Variants in PTPRT observed in about 807,000 individuals in gnomAD.
PTPRT encodes the protein receptor-type tyrosine-protein phosphatase T.
PTPRT carries 56 observed loss-of-function variants against 176.8 expected under a neutral mutation model. That is an observed-to-expected ratio of 0.32 (90% CI 0.26 to 0.40). The LOEUF (loss-of-function observed/expected upper bound fraction) is 0.40. Ranked by LOEUF, PTPRT falls within the 10% of genes least tolerant of loss-of-function variation. PTPRT has a pLI of 1.00. For synonymous variants in PTPRT, 783 were observed against 739.0 expected (o/e 1.06, Z -0.96); for missense variants, 1,540 against 1,908.2 (o/e 0.81, Z 3.60).
intron 7 of PTPRT, among the ~76,000 whole-genome samples, chr20:42,620,952 T>A (rs904821819): frequency 5.9e-5 from 9 of 152,170 alleles, no homozygotes; most frequent in Non-Finnish European, 1.2e-4. Flanking sequence ...TATTCGGCCA[T>A]CTTGGCTCCT....
intron 16 of PTPRT, among the ~76,000 whole-genome samples, chr20:42,193,939 T>A (rs1301233756): frequency 6.6e-6 from 1 of 152,212 alleles, no homozygotes; most frequent in Non-Finnish European, 1.5e-5. Flanking sequence ...ATGGATAGAC[T>A]CTAACTGAAA....
chr20:42,858,217 A>C (rs1384726995), intron 2 of PTPRT, among the ~76,000 whole-genome samples: 3 of 152,228 alleles, frequency 2.0e-5, no homozygotes, highest in African/African-American at 7.2e-5. Context: ...ACTTGTTAAA[A>C]TGGTAAGGAA....
intron 7 of PTPRT, among the ~76,000 whole-genome samples, chr20:42,539,583 T>C (rs2072541075): frequency 2.0e-5 from 3 of 150,232 alleles, no homozygotes; most frequent in Non-Finnish European, 3.0e-5. Context: ...ACATGAAAGA[T>C]AGAGATCAAA....
chr20:42,701,042 C>T (rs2075966758), intron 6 of PTPRT, among the ~76,000 whole-genome samples: 1 of 151,908 alleles, frequency 6.6e-6, no homozygotes, highest in South Asian at 2.1e-4. Flanking sequence ...AGACATAACA[C>T]AACTTGTGTC....
intron 7 of PTPRT, among the ~76,000 whole-genome samples, chr20:42,540,622 A>G (rs112073273): frequency 6.6e-5 from 10 of 152,298 alleles, no homozygotes; most frequent in African/African-American, 2.2e-4. Context: ...TATCTTGAGT[A>G]GAGCTTTAGA....
chr20:42,931,339 C>T (rs1284605615), intron 1 of PTPRT, among the ~76,000 whole-genome samples: 1 of 152,144 alleles, frequency 6.6e-6, no homozygotes, highest in African/African-American at 2.4e-5. Context: ...GGTGAGGACA[C>T]ATGGAGAATC....
intron 6 of PTPRT, among the ~76,000 whole-genome samples, chr20:42,728,424 A>C (rs916212678): frequency 5.3e-5 from 8 of 152,078 alleles, no homozygotes; most frequent in African/African-American, 1.9e-4. Flanking sequence ...AAGGGGGGAG[A>C]GGTAAGGACT....
At chr20:42,915,517 G>T (rs1978684013) in intron 1 of PTPRT, among the ~76,000 whole-genome samples, 1 of 152,332 alleles carries the variant, frequency 6.6e-6, no homozygotes, top group South Asian at 2.1e-4. Context: ...GTCCCACACA[G>T]CTCAGAGGCA....
rs540733028 is a variant in PTPRT at position 42,333,358 on chromosome 20, A to C, written c.1865+17270T>G. ...TATAGGCTTAGTTTTTTTGAGATGG[A>C]GTCTCGCTCTGTTACCAGGCTGGAA... On this transcript the variant is annotated intron_variant, in intron 11 of 30. Coordinates refer to ENST00000373187, the MANE Select transcript of PTPRT (RefSeq NM_007050.6). Among the ~76,000 whole-genome samples, 6 of 152,262 alleles carry C rather than the reference A, an allele frequency of 3.9e-5. No individual in the cohort carries two copies. The South Asian group carries it at 1.2e-3, about 32-fold the overall frequency.
At chr20:43,075,733 A>T (rs2146279242) in intron 1 of PTPRT, among the ~76,000 whole-genome samples, 1 of 152,380 alleles carries the variant, frequency 6.6e-6, no homozygotes, top group East Asian at 1.9e-4. Flanking sequence ...TGGAAGAACT[A>T]ACAGCAAATA....
intron 5 of PTPRT, among the ~76,000 whole-genome samples, chr20:42,760,380 CTTTTTTTTTTTTTTTTTT>C (rs754362528): frequency 1.1e-5 from 1 of 94,244 alleles, no homozygotes; most frequent in Non-Finnish European, 2.1e-5. Flanking sequence ...TCTAAATCTG[CTTTTTTTTTTTTTTTTTT>C]TTTTTTTTTA....
chr20:42,412,464 G>A (rs947441804), intron 9 of PTPRT, among the ~76,000 whole-genome samples: 27 of 152,168 alleles, frequency 1.8e-4, no homozygotes, highest in African/African-American at 6.3e-4. Flanking sequence ...TCGATACAGT[G>A]CAAAATGGTA....
chr20:42,635,790 T>C (rs968142590), intron 7 of PTPRT, among the ~76,000 whole-genome samples: 6 of 152,160 alleles, frequency 3.9e-5, no homozygotes, highest in Admixed American at 1.3e-4. Flanking sequence ...ATTCTAGGTC[T>C]AGTTGGTAGA....
chr20:42,650,307 CT>C (rs1459811075), intron 7 of PTPRT, among the ~76,000 whole-genome samples: 1 of 152,174 alleles, frequency 6.6e-6, no homozygotes, highest in African/African-American at 2.4e-5. Flanking sequence ...TTCTGCACCA[CT>C]GAGGTTTCTG....
chr20:42,399,817 C>A (rs574497446), intron 9 of PTPRT, among the ~76,000 whole-genome samples: 1 of 152,322 alleles, frequency 6.6e-6, no homozygotes, highest in Admixed American at 6.5e-5. Flanking sequence ...AAATACAATT[C>A]TCTAGATTCT....
At chr20:42,458,756 C>A (rs777384991) in intron 8 of PTPRT, among the ~76,000 whole-genome samples, 5 of 152,182 alleles carry the variant, frequency 3.3e-5, no homozygotes, top group African/African-American at 4.8e-5. Flanking sequence ...CTACGATCTT[C>A]TTCTGATTTC....
chr20:42,260,992 C>T (rs375192878), intron 13 of PTPRT, among the ~76,000 whole-genome samples: 28 of 152,302 alleles, frequency 1.8e-4, no homozygotes, highest in African/African-American at 6.3e-4. Flanking sequence ...AAAGCTCAAC[C>T]ACTGCCCACT....
At chr20:42,393,096 G>T (rs960431409) in intron 9 of PTPRT, among the ~76,000 whole-genome samples, 2 of 152,246 alleles carry the variant, frequency 1.3e-5, no homozygotes, top group East Asian at 1.9e-4. Flanking sequence ...CCATCCCCCT[G>T]TGTCTTCAGA....
chr20:42,240,608 C>T (rs1375009839), intron 14 of PTPRT, among the ~76,000 whole-genome samples: 1 of 152,168 alleles, frequency 6.6e-6, no homozygotes, highest in Non-Finnish European at 1.5e-5. Context: ...CATTTAACCA[C>T]CTACCCATCC....
Sources: allele counts gnomAD v4.1 joint callset (sites outside exome capture counted in the v4.1 genomes callset), GRCh38; gene constraint gnomAD v4.1.1; transcripts MANE v1.5; gene names NCBI Gene and HGNC (gene_info 2026-07-23, HGNC 2026-07-21).